The following LRRC4C variants were observed in gnomAD, a reference collection of about 807,000 sequenced individuals.
LRRC4C encodes the protein leucine rich repeat containing 4C.
A neutral mutation model predicts 33.6 loss-of-function variants in LRRC4C; 5 were observed. That is an observed-to-expected ratio of 0.15 (90% CI 0.08 to 0.31). The LOEUF is 0.31. Among genes scored for constraint, LRRC4C ranks in the 10% least tolerant of loss-of-function variants. LRRC4C has a pLI of 1.00. For missense variants in LRRC4C, 560 were observed against 796.7 expected (o/e 0.70, Z 3.58); for synonymous variants, 329 against 302.0 (o/e 1.09, Z -0.93).
intron 1 of LRRC4C, among the ~76,000 whole-genome samples, chr11:41,209,761 G>C (rs1386602685): frequency 6.6e-6 from 1 of 152,138 alleles, no homozygotes; most frequent in Non-Finnish European, 1.5e-5. Flanking sequence ...TGCAAGAGGA[G>C]CATAAATTCT....
intron 1 of LRRC4C, among the ~76,000 whole-genome samples, chr11:41,402,798 C>T (rs1954075740): frequency 6.6e-6 from 1 of 152,054 alleles, no homozygotes; most frequent in East Asian, 1.9e-4. Flanking sequence ...TGGTCAGGTA[C>T]CATGAGCCTG....
intron 1 of LRRC4C, among the ~76,000 whole-genome samples, chr11:41,150,150 CA>C (rs1943926079): frequency 6.6e-6 from 1 of 152,134 alleles, no homozygotes; most frequent in East Asian, 1.9e-4. Flanking sequence ...AGATCTTCCC[CA>C]AAATGACATT....
chr11:40,376,143 T>C (rs1451314903), intron 3 of LRRC4C, among the ~76,000 whole-genome samples: 1 of 152,192 alleles, frequency 6.6e-6, no homozygotes, highest in East Asian at 1.9e-4. Flanking sequence ...TAGCTTTTCA[T>C]ATCCATGTTC....
At chr11:40,451,452 C>T (rs1239098722) in intron 3 of LRRC4C, among the ~76,000 whole-genome samples, 1 of 123,486 alleles carries the variant, frequency 8.1e-6, no homozygotes, top group Non-Finnish European at 1.6e-5. Context: ...GTGGCCTGAT[C>T]TCTGCTCTCT....
intron 3 of LRRC4C, among the ~76,000 whole-genome samples, chr11:40,358,544 G>C (rs1350899141): frequency 6.6e-6 from 1 of 152,116 alleles, no homozygotes; most frequent in Non-Finnish European, 1.5e-5. Context: ...GCTTCCTAAA[G>C]TGCTGGGATT....
intron 1 of LRRC4C, among the ~76,000 whole-genome samples, chr11:41,146,678 C>T (rs1045253964): frequency 6.6e-6 from 1 of 152,142 alleles, no homozygotes; most frequent in Non-Finnish European, 1.5e-5. Context: ...AAAAATTTGT[C>T]CTTCTGAAGT....
intron 2 of LRRC4C, among the ~76,000 whole-genome samples, chr11:40,845,641 A>G (rs1007191587): frequency 2.6e-5 from 4 of 152,132 alleles, no homozygotes; most frequent in African/African-American, 9.7e-5. Context: ...CAATAAACAT[A>G]CCTGTGCATG....
At chr11:41,431,821 T>C (rs1955246781) in intron 1 of LRRC4C, among the ~76,000 whole-genome samples, 1 of 152,154 alleles carries the variant, frequency 6.6e-6, no homozygotes, top group African/African-American at 2.4e-5. Context: ...AGCATTCCAT[T>C]ATAATGCCAA....
At chr11:40,490,157 A>T (rs1024217768) in intron 3 of LRRC4C, among the ~76,000 whole-genome samples, 1 of 152,220 alleles carries the variant, frequency 6.6e-6, no homozygotes, top group Non-Finnish European at 1.5e-5. Context: ...AACTAAAAAA[A>T]GTAGTAGTTT....
intron 1 of LRRC4C, among the ~76,000 whole-genome samples, chr11:41,034,511 T>A (rs1401966148): frequency 1.4e-5 from 2 of 144,802 alleles, no homozygotes; most frequent in Non-Finnish European, 3.0e-5. Flanking sequence ...ACAAAATATA[T>A]GTGTGTATAT....
At chr11:40,330,323 ATAT>A (rs1309953807) in intron 3 of LRRC4C, among the ~76,000 whole-genome samples, 24 of 152,252 alleles carry the variant, frequency 1.6e-4, no homozygotes, top group Non-Finnish European at 2.9e-4. Context: ...ACTTATAAAA[ATAT>A]TATTTTTAAT....
chr11:41,339,445 T>C (rs965241383), intron 1 of LRRC4C, among the ~76,000 whole-genome samples: 2 of 152,128 alleles, frequency 1.3e-5, no homozygotes, highest in Non-Finnish European at 2.9e-5. Flanking sequence ...AAACCAGCAA[T>C]AGGCCAAATG....
chr11:41,154,020 AAT>A (rs761453918), intron 1 of LRRC4C, among the ~76,000 whole-genome samples: 2 of 152,154 alleles, frequency 1.3e-5, no homozygotes, highest in Non-Finnish European at 2.9e-5. Flanking sequence ...CGCTGTAAGG[AAT>A]ATATTGTCAC....
chr11:40,301,569 G>T (rs1944774774), intron 4 of LRRC4C, among the ~76,000 whole-genome samples: 1 of 152,166 alleles, frequency 6.6e-6, no homozygotes, highest in Non-Finnish European at 1.5e-5. Context: ...GCCATGCAGT[G>T]CAGATTCAAG....
At chr11:40,687,167 A>T (rs1480707953) in intron 2 of LRRC4C, among the ~76,000 whole-genome samples, 1 of 152,096 alleles carries the variant, frequency 6.6e-6, no homozygotes, top group Non-Finnish European at 1.5e-5. Context: ...ACAGTTTGAG[A>T]ACCTGTAGGC....
At chr11:40,515,907 GTGAT>G (rs1425573574) in intron 3 of LRRC4C, among the ~76,000 whole-genome samples, 5 of 152,074 alleles carry the variant, frequency 3.3e-5, no homozygotes, top group East Asian at 1.9e-4. Flanking sequence ...CTTTGTTCAT[GTGAT>G]TGATTAAAAT....
At chr11:40,500,896 C>T (rs571347916) in intron 3 of LRRC4C, among the ~76,000 whole-genome samples, 2 of 152,216 alleles carry the variant, frequency 1.3e-5, no homozygotes, top group Non-Finnish European at 2.9e-5. Context: ...AAAGTCTTAT[C>T]CAAGATAGTT....
intron 1 of LRRC4C, among the ~76,000 whole-genome samples, chr11:41,013,612 A>G (rs1035254494): frequency 6.6e-6 from 1 of 152,200 alleles, no homozygotes; most frequent in African/African-American, 2.4e-5. Flanking sequence ...TGGGTGGTTT[A>G]TAAAGAAGAA....
intron 2 of LRRC4C, among the ~76,000 whole-genome samples, chr11:40,910,898 T>C (rs1376932247): frequency 6.6e-6 from 1 of 152,222 alleles, no homozygotes; most frequent in African/African-American, 2.4e-5. Flanking sequence ...AAGAAGATTA[T>C]ATCCCATGCC....
Sources: allele counts gnomAD v4.1 joint callset (sites outside exome capture counted in the v4.1 genomes callset), GRCh38; gene constraint gnomAD v4.1.1; transcripts MANE v1.5; gene names NCBI Gene and HGNC (gene_info 2026-07-23, HGNC 2026-07-21).